The following NCAPD3 variants were observed in gnomAD, a reference collection of about 807,000 sequenced individuals.
The protein encoded by NCAPD3 is condensin-2 complex subunit D3.
Under a neutral mutation model 182.9 loss-of-function variants are expected in NCAPD3, and 105 were observed. The observed-to-expected ratio is 0.57, with a 90% CI of 0.49 to 0.68. NCAPD3 has a LOEUF of 0.68. Among genes scored for constraint, NCAPD3 ranks in the 30% least tolerant of loss-of-function variants. The pLI is 0.00. For synonymous variants in NCAPD3, 815 were observed against 679.9 expected, an observed-to-expected ratio of 1.20 and a Z score of -3.09; for missense variants, 1,944 against 1,837.0, an observed-to-expected ratio of 1.06 and a Z score of -1.07.
At position 134,176,288 on chromosome 11, in the gene NCAPD3, A is replaced by G; in HGVS notation, c.3101+19T>C. 1 of 1,606,484 alleles carries G rather than the reference A, an allele frequency of 6.2e-7. No homozygotes were observed. Among genetic ancestry groups the G allele is most frequent in the Non-Finnish European group, 8.5e-7 (1 of 1,172,996 alleles). On this transcript the variant is annotated intron_variant, in intron 24 of 34. Coordinates refer to ENST00000534548, the MANE Select transcript of NCAPD3 (RefSeq NM_015261.3). ...ATGAGGTAAACTGTTGAGTCGTCTG[A>G]CGTGAGGAAAAGATTTACCTGGCAA...
chr11:134,168,874 C>G, intron 25 of NCAPD3, 43 bp downstream of exon 25: 1 of 1,592,114 alleles, frequency 6.3e-7, no homozygotes, highest in Non-Finnish European at 8.6e-7. Flanking sequence ...TCCCCCAGCT[C>G]TTACCCAGAT....
At chr11:134,166,578 T>C (rs1943807959) in intron 27 of NCAPD3, among the ~76,000 whole-genome samples, 1 of 11,756 alleles carries the variant, frequency 8.5e-5, no homozygotes, top group African/African-American at 6.4e-4. Flanking sequence ...GAGATGAGCT[T>C]AGGGGAGCTG....
chr11:134,223,490 C>G, intron 1 of NCAPD3: 1 of 702,334 alleles, frequency 1.4e-6, no homozygotes, highest in Non-Finnish European at 2.6e-6. Context: ...AACCTATGAA[C>G]ATGAAGTTCA....
At chr11:134,165,902 C>T (rs1452527201) in intron 27 of NCAPD3, among the ~76,000 whole-genome samples, 1 of 123,164 alleles carries the variant, frequency 8.1e-6, no homozygotes, top group Non-Finnish European at 1.7e-5. Flanking sequence ...GGGAGGGGCA[C>T]ACTCACTAGT....
At chr11:134,219,759 C>G (rs1383740956) in intron 2 of NCAPD3, among the ~76,000 whole-genome samples, 1 of 151,980 alleles carries the variant, frequency 6.6e-6, no homozygotes, top group Non-Finnish European at 1.5e-5. Context: ...TTGGACAAAC[C>G]TGTTAATTCA....
intron 28 of NCAPD3, among the ~76,000 whole-genome samples, chr11:134,161,557 G>T (rs1230676947): frequency 6.6e-6 from 1 of 152,226 alleles, no homozygotes; most frequent in Non-Finnish European, 1.5e-5. Context: ...TTGGCACAGT[G>T]GGCCGGCTCT....
intron 32 of NCAPD3, among the ~76,000 whole-genome samples, chr11:134,155,442 G>C (rs1165503887): frequency 6.6e-6 from 1 of 152,200 alleles, no homozygotes; most frequent in Non-Finnish European, 1.5e-5. Context: ...GACGGACAGA[G>C]ACTGCATCAG....
chr11:134,221,353 TTTTC>T (rs921363364), intron 1 of NCAPD3, among the ~76,000 whole-genome samples: 72 of 143,310 alleles, frequency 5.0e-4, no homozygotes, highest in Middle Eastern at 3.4e-3. Flanking sequence ...CTTCCCATTC[TTTTC>T]TTTTTCTTTT....
chr11:134,156,192 CGGG>C (rs956286080), intron 32 of NCAPD3, among the ~76,000 whole-genome samples: 7 of 152,116 alleles, frequency 4.6e-5, no homozygotes, highest in Non-Finnish European at 1.0e-4. Flanking sequence ...CAGAAGTCTC[CGGG>C]AGGAGATCTC....
At chr11:134,211,690 GA>G (rs1937837794) in intron 3 of NCAPD3, among the ~76,000 whole-genome samples, 1 of 150,076 alleles carries the variant, frequency 6.7e-6, no homozygotes, top group South Asian at 2.1e-4. Context: ...CATGAGGAGA[GA>G]AATGAAAAAA....
intron 24 of NCAPD3, among the ~76,000 whole-genome samples, chr11:134,175,942 T>C (rs1398658889): frequency 2.0e-5 from 3 of 151,912 alleles, no homozygotes; most frequent in East Asian, 3.9e-4. Context: ...TTATCAAAAT[T>C]AACTTTTTTT....
intron 20 of NCAPD3, among the ~76,000 whole-genome samples, chr11:134,180,869 T>C (rs562623914): frequency 2.0e-5 from 3 of 152,140 alleles, no homozygotes; most frequent in South Asian, 2.1e-4. Context: ...GCGTATACCA[T>C]TGAGTTTCCC....
intron 3 of NCAPD3, among the ~76,000 whole-genome samples, chr11:134,213,024 C>T (rs911161552): frequency 2.0e-5 from 3 of 152,112 alleles, no homozygotes; most frequent in African/African-American, 7.2e-5. Flanking sequence ...CAAACATTGT[C>T]AGAAAGAAGC....
chr11:134,163,019 C>G (rs1044690003), intron 27 of NCAPD3, among the ~76,000 whole-genome samples: 1 of 152,038 alleles, frequency 6.6e-6, no homozygotes, highest in African/African-American at 2.4e-5. Flanking sequence ...GGCAAGAGCA[C>G]ACGAGTAGGG....
At chr11:134,214,771 T>C (rs1686274453) in intron 3 of NCAPD3, among the ~76,000 whole-genome samples, 2 of 152,176 alleles carry the variant, frequency 1.3e-5, no homozygotes, top group Non-Finnish European at 2.9e-5. Flanking sequence ...CAGGCCCAGA[T>C]GACTTCACTA....
In NCAPD3 at chr11:134,192,865, C is replaced by T. The variant is rs781692276; in HGVS notation, c.1869G>A (p.Gly623=). Residue 623 remains glycine (G), a synonymous_variant, in exon 16 of 35, where the codon GGG becomes GGA. Transcript: ENST00000534548. The stretch of plus-strand genomic sequence containing the variant: ...CGCAGTCCATCACCACCGGGACCAC[C>T]CCCCGCAACCAGGCTTTCTGGATCT... The part of the protein sequence containing the change: ...CVQIQKAWLR[G]VVPVVMDCES... 6.2e-7 allele frequency: 1 copy of T among 1,613,978 alleles called. No individual in the cohort carries two copies. The highest frequency in any genetic ancestry group is 8.5e-7 in the Non-Finnish European group (1 of 1,179,870).
At chr11:134,202,758 T>TAA in intron 13 of NCAPD3, 58 bp downstream of exon 13, 1 of 1,333,050 alleles carries the variant, frequency 7.5e-7, no homozygotes. Context: ...AGACTCTACT[T>TAA]ACGGTTGTCT....
At chr11:134,164,773 A>C (rs1168492579) in intron 27 of NCAPD3, among the ~76,000 whole-genome samples, 3 of 148,342 alleles carry the variant, frequency 2.0e-5, no homozygotes, top group South Asian at 4.3e-4. Context: ...AGCTTGGGGG[A>C]GCTGCACACT....
At chr11:134,193,943 C>T in intron 15 of NCAPD3, 73 bp downstream of exon 15, 1 of 1,454,862 alleles carries the variant, frequency 6.9e-7, no homozygotes, top group Non-Finnish European at 9.4e-7. Flanking sequence ...CGTTTAGCAG[C>T]AGGTAATTAT....
Sources: allele counts gnomAD v4.1 joint callset (sites outside exome capture counted in the v4.1 genomes callset), GRCh38; gene constraint gnomAD v4.1.1; transcripts MANE v1.5; gene names NCBI Gene and HGNC (gene_info 2026-07-23, HGNC 2026-07-21).